Variants in DAPK1 observed in about 807,000 individuals in gnomAD.
DAPK1 encodes death associated protein kinase 1, also known as death-associated protein kinase 1.
Under a neutral mutation model 144.9 loss-of-function variants are expected in DAPK1, and 56 were observed. The ratio of observed to expected loss-of-function variants is 0.39; its 90% confidence interval spans 0.31 to 0.48. The LOEUF is 0.48. Ranked by LOEUF, DAPK1 falls within the 20% of genes least tolerant of loss-of-function variation. The pLI, the probability that DAPK1 is intolerant of heterozygous loss-of-function variation, is 0.95. For synonymous variants in DAPK1, 690 were observed against 749.0 expected (o/e 0.92, Z 1.29); for missense variants, 1,454 against 1,875.4 (o/e 0.78, Z 4.15).
intron 3 of DAPK1, among the ~76,000 whole-genome samples, chr9:87,615,129 C>T (rs1372022973): frequency 6.6e-6 from 1 of 152,244 alleles, no homozygotes; most frequent in African/African-American, 2.4e-5. Context: ...TTCTGCCTCA[C>T]GTCCTTGCAA....
chr9:87,532,797 A>C (rs1179565259), intron 2 of DAPK1, among the ~76,000 whole-genome samples: 1 of 152,170 alleles, frequency 6.6e-6, no homozygotes, highest in Non-Finnish European at 1.5e-5. Context: ...TATACAGAGA[A>C]GTTGGTAGAA....
At chr9:87,643,328 T>G in intron 10 of DAPK1, 48 bp from the exon 11 acceptor site, 1 of 1,252,082 alleles carries the variant, frequency 8.0e-7, no homozygotes, top group Non-Finnish European at 1.1e-6. Flanking sequence ...TCACCCTGCC[T>G]TTTTCCTCCC....
intron 2 of DAPK1, among the ~76,000 whole-genome samples, chr9:87,557,287 T>A (rs1826752837): frequency 6.6e-6 from 1 of 152,182 alleles, no homozygotes; most frequent in Non-Finnish European, 1.5e-5. Context: ...GAAACCCACA[T>A]CTTCATTTCC....
At chr9:87,700,366 C>A in intron 24 of DAPK1, 129 bp downstream of exon 24, 1 of 689,830 alleles carries the variant, frequency 1.4e-6, no homozygotes. Flanking sequence ...TATCCTAGTG[C>A]CCTGGGAAAA....
rs745441229 is a variant in DAPK1 at position 87,706,314 on chromosome 9, G to A, written c.3243G>A (p.Leu1081=). The change falls in exon 26 of 26, where the codon CTG becomes CTA. Residue 1081 remains leucine (L), a synonymous_variant. Coordinates refer to ENST00000408954, the MANE Select transcript of DAPK1 (RefSeq NM_004938.4). This position sits in a 1 kb window ranked among gnomAD's most constrained non-coding sequence, Gnocchi z 9.0. ...RLVPDSDVEE[L]LQILDAMDIC... ...TGCCCGACAGCGACGTGGAGGAGCT[G>A]CTGCAGATCCTCGATGCCATGGACA... 1 of 1,609,708 alleles carries A rather than the reference G, an allele frequency of 6.2e-7. No homozygotes were observed. Among genetic ancestry groups the A allele is most frequent in the Non-Finnish European group, 8.5e-7 (1 of 1,177,728 alleles).
rs1563970292 is a variant in DAPK1 at position 87,518,099 on chromosome 9, GTTGTTGT to G, written c.62+18963_62+18969del. ...TTGCCCTGGAATATTTGCCGTTTAT[GTTGTTGT>G]TTTTTTTTTTTTTTTTTTTTTCTGA... On this transcript the variant is annotated intron_variant, in intron 2 of 25. Transcript: ENST00000408954. Among the ~76,000 whole-genome samples, 3 of 126,040 alleles carry G rather than the reference GTTGTTGT, an allele frequency of 2.4e-5. 1 individual carries two copies. Among genetic ancestry groups the G allele is most frequent in the Non-Finnish European group, 1.6e-5 (1 of 63,680 alleles). The allele number at this position is 126,040 out of a possible 152,430, so 82.7% of individuals were successfully genotyped here.
At chr9:87,511,043 C>T (rs1422739273) in intron 2 of DAPK1, among the ~76,000 whole-genome samples, 1 of 152,108 alleles carries the variant, frequency 6.6e-6, no homozygotes, top group Non-Finnish European at 1.5e-5. Flanking sequence ...CGGGTCCTAC[C>T]TCTTCATTCA....
chr9:87,555,507 T>G (rs1826677874), intron 2 of DAPK1, among the ~76,000 whole-genome samples: 1 of 112,278 alleles, frequency 8.9e-6, no homozygotes, highest in African/African-American at 3.5e-5. Flanking sequence ...TATTTAGTTA[T>G]TTTTTTTTTT....
chr9:87,562,333 C>T (rs768297547), intron 2 of DAPK1, among the ~76,000 whole-genome samples: 4 of 152,314 alleles, frequency 2.6e-5, no homozygotes, highest in Non-Finnish European at 5.9e-5. Context: ...AACTCCAGGA[C>T]TGAAGGTAAT....
chr9:87,702,205 A>G (rs1297298030), intron 24 of DAPK1, among the ~76,000 whole-genome samples: 1 of 152,216 alleles, frequency 6.6e-6, no homozygotes, highest in Non-Finnish European at 1.5e-5. Flanking sequence ...TAGCTGACAC[A>G]AAAGAATTTG....
At chr9:87,673,307 A>G (rs1224030358) in intron 19 of DAPK1, among the ~76,000 whole-genome samples, 1 of 152,152 alleles carries the variant, frequency 6.6e-6, no homozygotes, top group Non-Finnish European at 1.5e-5. Context: ...GTGGCCCTAC[A>G]TTGCCTGCCA....
chr9:87,650,924 C>T (rs1830422099), intron 16 of DAPK1, among the ~76,000 whole-genome samples: 2 of 152,146 alleles, frequency 1.3e-5, no homozygotes. Flanking sequence ...GAAACCCTAG[C>T]ACAGTAGGTT....
rs564303712 is a variant in DAPK1, at chr9:87,509,820, G to A, written c.62+10681G>A. 3.3e-5 allele frequency among the ~76,000 whole-genome samples: 5 copies of A among 152,308 alleles called. No homozygotes were observed. The South Asian group carries it at 8.3e-4, about 25-fold the overall frequency. On this transcript the variant is annotated intron_variant, in intron 2 of 25. Transcript: ENST00000408954. ...TTTCATTCCTGGGAGCTCTTCTGGCGTCAGATGATCGCGGTTTCTTTTCCT... is the reference window on the plus strand; with the variant it reads ...TTTCATTCCTGGGAGCTCTTCTGGCATCAGATGATCGCGGTTTCTTTTCCT...
chr9:87,596,538 A>G (rs756572902), intron 2 of DAPK1, among the ~76,000 whole-genome samples: 2 of 152,236 alleles, frequency 1.3e-5, no homozygotes, highest in Non-Finnish European at 2.9e-5. Context: ...AATTGTTGCC[A>G]TGATGAGAAG....
rs551581155 is a variant in DAPK1, at chr9:87,655,769, G to A, written c.1825-2260G>A. Among the ~76,000 whole-genome samples, 6 of 152,330 alleles carry A rather than the reference G, an allele frequency of 3.9e-5. No individual in the cohort carries two copies. In the South Asian group the frequency reaches 6.2e-4, roughly 16 times the overall value. ...ACGGAAAGGAAAGGGAATAGATGGCGCAGAATGCATGGCCCTTACCCATTT... is the reference window on the plus strand; with the variant it reads ...ACGGAAAGGAAAGGGAATAGATGGCACAGAATGCATGGCCCTTACCCATTT... On this transcript the variant is annotated intron_variant, in intron 17 of 25. Transcript: ENST00000408954.
intron 2 of DAPK1, among the ~76,000 whole-genome samples, chr9:87,540,507 C>T (rs1329331947): frequency 6.6e-6 from 1 of 152,042 alleles, no homozygotes; most frequent in African/African-American, 2.4e-5. Context: ...TAATCTCTTA[C>T]CATGTCTAAT....
At chr9:87,595,094 GC>G (rs1828267945) in intron 2 of DAPK1, among the ~76,000 whole-genome samples, 1 of 152,236 alleles carries the variant, frequency 6.6e-6, no homozygotes, top group South Asian at 2.1e-4. Context: ...CCAGGAAGCT[GC>G]CCGTTTAACT....
chr9:87,621,096 T>C (rs922307575), intron 3 of DAPK1, among the ~76,000 whole-genome samples: 1 of 152,232 alleles, frequency 6.6e-6, no homozygotes, highest in Non-Finnish European at 1.5e-5. Context: ...ATAGTTTGTC[T>C]GTCAGGCACT....
chr9:87,647,223 A>C, intron 13 of DAPK1, 82 bp from the exon 14 acceptor site: 1 of 1,107,666 alleles, frequency 9.0e-7, no homozygotes, highest in Non-Finnish European at 1.4e-6. Flanking sequence ...ACAGGAAGGG[A>C]AATAACAGTG....
Sources: allele counts gnomAD v4.1 joint callset (sites outside exome capture counted in the v4.1 genomes callset), GRCh38; gene constraint gnomAD v4.1.1; non-coding constraint Gnocchi (gnomAD v3.1); transcripts MANE v1.5; gene names NCBI Gene and HGNC (gene_info 2026-07-23, HGNC 2026-07-21).